Variants in WTIP observed in about 807,000 individuals in gnomAD.
The protein encoded by WTIP is WT1 interacting protein.
A neutral mutation model predicts 41.7 loss-of-function variants in WTIP; 23 were observed. The observed-to-expected ratio is 0.55, with a 90% CI of 0.40 to 0.78. The LOEUF is 0.78. Among genes scored for constraint, WTIP ranks in the 30% least tolerant of loss-of-function variants. The pLI is 0.00. For synonymous variants in WTIP, 314 were observed against 269.9 expected (o/e 1.16, Z -1.60); for missense variants, 619 against 610.5 (o/e 1.01, Z -0.15).
chr19:34,492,213 A>G (rs1335764804), intron 2 of WTIP, among the ~76,000 whole-genome samples: 3 of 149,292 alleles, frequency 2.0e-5, no homozygotes, highest in African/African-American at 7.4e-5. Context: ...CCTGGGCCCA[A>G]GTGATCTTCC....
At chr19:34,496,924 A>G (rs1045577262) in intron 7 of WTIP, among the ~76,000 whole-genome samples, 2 of 151,944 alleles carry the variant, frequency 1.3e-5, no homozygotes, top group Admixed American at 6.6e-5. Context: ...GTGCAGTGGC[A>G]CTATCTCAGC....
In WTIP at chr19:34,500,297, G is replaced by T; in HGVS notation, c.*28G>T. On this transcript the variant is annotated 3_prime_UTR_variant, in exon 8 of 8. Coordinates refer to ENST00000590071, the MANE Select transcript of WTIP (RefSeq NM_001080436.2). ...AGGGGAAAACCCGTCCCTGGGCCGG[G>T]GTGGGTGTGGGTGTGGAGGGAGGGC... The T allele has an allele frequency of 6.4e-7, 1 of 1,572,724 alleles. No individual in the cohort carries two copies.
chr19:34,500,067 C>A, intron 7 of WTIP, 62 bp from the exon 8 acceptor site: 1 of 1,571,962 alleles, frequency 6.4e-7, no homozygotes, highest in South Asian at 1.2e-5. Flanking sequence ...CTCCCCCGTC[C>A]CGTGACCTCT....
chr19:34,494,208 C>T (rs915866024), intron 5 of WTIP, among the ~76,000 whole-genome samples: 3 of 152,022 alleles, frequency 2.0e-5, no homozygotes, highest in African/African-American at 7.2e-5. Flanking sequence ...CAGAGCAGAA[C>T]CTGAAGGCAT....
intron 5 of WTIP, 115 bp from the exon 6 acceptor site, chr19:34,494,471 G>A: frequency 1.0e-6 from 1 of 962,500 alleles, no homozygotes; most frequent in South Asian, 1.4e-5. Flanking sequence ...TGCACACAGG[G>A]AGAGAGGGCC....
Position 34,505,941 on chromosome 19 carries a change from C to G in WTIP, c.*5672C>G, listed in dbSNP as rs116410081. ...GATGCGGATTTCCAGGCATCCTCAG[C>G]GGGACCCATGGCCTGGGGTCACCAC... On this transcript the variant is annotated 3_prime_UTR_variant, in exon 8 of 8. Coordinates refer to ENST00000590071, the MANE Select transcript of WTIP (RefSeq NM_001080436.2). The G allele has an allele frequency of 0.011, 1,619 of 152,536 alleles. 29 individuals are homozygous for G. The highest frequency in any genetic ancestry group is 0.037 in the African/African-American group (1,545 of 41,578). 9.4% of individuals were successfully genotyped at this position (152,536 alleles called of 1,614,324 possible). A position where few individuals can be genotyped will look rare whatever the true frequency, so the allele number is the denominator to read the frequency against.
rs570076762 is a variant in WTIP, at chr19:34,493,916, C to T, written c.1031+294C>T. ...AGTACCCACCATCTTTCCCCCTCCTCCCCTCCATCCCCTGCCAGGCCAGGC... is the reference window on the plus strand; with the variant it reads ...AGTACCCACCATCTTTCCCCCTCCTTCCCTCCATCCCCTGCCAGGCCAGGC... On this transcript the variant is annotated intron_variant, in intron 5 of 7. Coordinates refer to ENST00000590071, the MANE Select transcript of WTIP (RefSeq NM_001080436.2). This position sits in a 1 kb window ranked among gnomAD's most constrained non-coding sequence, Gnocchi z 4.1. 2.0e-5 allele frequency among the ~76,000 whole-genome samples: 3 copies of T among 152,272 alleles called. No homozygotes were observed. The highest frequency in any genetic ancestry group is 4.4e-5 in the Non-Finnish European group (3 of 68,018).
Position 34,493,679 on chromosome 19 carries a change from T to C in WTIP, c.1031+57T>C, listed in dbSNP as rs1832388549. ...CTCGGGCCGTCCTCCCTGGCTCCTC[T>C]GGAAGCATTTTTTTCCTGCTGGACT... On this transcript the variant is annotated intron_variant, in intron 5 of 7. Transcript: ENST00000590071. The surrounding 1 kb of genome is among the most constrained non-coding windows in gnomAD (Gnocchi z 4.1). The C allele has an allele frequency of 4.4e-6, 7 of 1,606,118 alleles. No homozygotes were observed. Among genetic ancestry groups the C allele is most frequent in the Non-Finnish European group, 5.1e-6 (6 of 1,175,806 alleles).
At chr19:34,496,304 A>G (rs1014708899) in intron 7 of WTIP, among the ~76,000 whole-genome samples, 2 of 152,184 alleles carry the variant, frequency 1.3e-5, no homozygotes, top group African/African-American at 4.8e-5. Flanking sequence ...CTGAGTAGCT[A>G]TCACCACAGG....
chr19:34,487,755 G>C (rs547621104), intron 1 of WTIP, among the ~76,000 whole-genome samples: 1 of 152,098 alleles, frequency 6.6e-6, no homozygotes, highest in Admixed American at 6.5e-5. Context: ...GGGGAGGGCA[G>C]CATGGCCTGG....
In WTIP at chr19:34,493,783, T is replaced by G. The variant is rs528954217; in HGVS notation, c.1031+161T>G. On this transcript the variant is annotated intron_variant, in intron 5 of 7. Coordinates refer to ENST00000590071, the MANE Select transcript of WTIP (RefSeq NM_001080436.2). This position sits in a 1 kb window ranked among gnomAD's most constrained non-coding sequence, Gnocchi z 4.1. ...CTTGGGGCAGGCATGTGTCTCTGCC[T>G]GCATCCCCTCTCCTGGTGGTCCGGC... Among the ~76,000 whole-genome samples the G allele has an allele frequency of 6.6e-6, 1 of 152,208 alleles. No homozygotes were observed. The highest frequency in any genetic ancestry group is 1.5e-5 in the Non-Finnish European group (1 of 67,994).
chr19:34,505,343 C>T lies in WTIP; in HGVS notation c.*5074C>T, dbSNP rs1279986815. The T allele has an allele frequency of 2.0e-5, 3 of 152,366 alleles. No individual in the cohort carries two copies. Among genetic ancestry groups the T allele is most frequent in the African/African-American group, 4.8e-5 (2 of 41,426 alleles). The allele number at this position is 152,366 out of a possible 1,614,324, so 9.4% of individuals were successfully genotyped here. On this transcript the variant is annotated 3_prime_UTR_variant, in exon 8 of 8. Coordinates refer to ENST00000590071, the MANE Select transcript of WTIP (RefSeq NM_001080436.2). Reference sequence around the variant, plus strand: ...GGCTCCTCTCCTTCCACCCACTTCCCTGGCCCTGAGGGCATTGCTGGGCCA... The same window carrying T: ...GGCTCCTCTCCTTCCACCCACTTCCTTGGCCCTGAGGGCATTGCTGGGCCA...
chr19:34,494,701 C>T, intron 6 of WTIP, 64 bp downstream of exon 6: 2 of 1,560,002 alleles, frequency 1.3e-6, no homozygotes, highest in Non-Finnish European at 1.7e-6. Flanking sequence ...CCTGTCTAGC[C>T]TGGGTCTAGC....
At chr19:34,482,949 C>T (rs1281912355) in intron 1 of WTIP, among the ~76,000 whole-genome samples, 1 of 151,376 alleles carries the variant, frequency 6.6e-6, no homozygotes, top group African/African-American at 2.4e-5. Flanking sequence ...TTCATGGGCA[C>T]ACTGAGCCAT....
At chr19:34,486,658 G>A (rs768159578) in intron 1 of WTIP, among the ~76,000 whole-genome samples, 4 of 152,040 alleles carry the variant, frequency 2.6e-5, no homozygotes, top group South Asian at 2.1e-4. Context: ...GAGCCACCGC[G>A]CCTGGCCGCC....
Position 34,500,962 on chromosome 19 carries a change from C to G in WTIP, c.*693C>G, listed in dbSNP as rs937219239. ...GCTCCTGGCTTGGGCCCCCCGACCC[C>G]CCTGCTCAGCTCGGGAAAATCCCCG... is the stretch of plus-strand genomic sequence containing the variant. On this transcript the variant is annotated 3_prime_UTR_variant, in exon 8 of 8. Transcript: ENST00000590071. 9 of 152,748 alleles carry G rather than the reference C, an allele frequency of 5.9e-5. 1 individual carries two copies. Among genetic ancestry groups the G allele is most frequent in the South Asian group, 4.1e-4 (2 of 4,834 alleles). 9.5% of individuals were successfully genotyped at this position (152,748 alleles called of 1,614,324 possible).
At chr19:34,491,336 T>TG (rs1656831306) in intron 2 of WTIP, among the ~76,000 whole-genome samples, 1 of 151,986 alleles carries the variant, frequency 6.6e-6, no homozygotes, top group Admixed American at 6.6e-5. Context: ...AATTTTATAT[T>TG]TTTTTTTTGA....
chr19:34,487,065 A>T (rs2075801417), intron 1 of WTIP, among the ~76,000 whole-genome samples: 1 of 141,290 alleles, frequency 7.1e-6, no homozygotes, highest in South Asian at 2.3e-4. Context: ...AAGTGCTGAG[A>T]TTACAGGCAT....
At chr19:34,494,415 G>A (rs2075842324) in intron 5 of WTIP, among the ~76,000 whole-genome samples, 171 bp from the exon 6 acceptor site, 1 of 151,962 alleles carries the variant, frequency 6.6e-6, no homozygotes, top group East Asian at 1.9e-4. Context: ...GAAGAGGCCA[G>A]TACAGGAAGG....
Sources: allele counts gnomAD v4.1 joint callset (sites outside exome capture counted in the v4.1 genomes callset), GRCh38; gene constraint gnomAD v4.1.1; non-coding constraint Gnocchi (gnomAD v3.1); transcripts MANE v1.5; gene names NCBI Gene and HGNC (gene_info 2026-07-23, HGNC 2026-07-21).